Variants in ZEB1 observed in about 807,000 individuals in gnomAD.
The protein encoded by ZEB1 is zinc finger E-box binding homeobox 1, also known as zinc finger E-box-binding homeobox 1.
A neutral mutation model predicts 84.9 loss-of-function variants in ZEB1; 21 were observed. That is an observed-to-expected ratio of 0.25 (90% CI 0.18 to 0.36). The LOEUF (loss-of-function observed/expected upper bound fraction) is 0.36. Among genes scored for constraint, ZEB1 ranks in the 10% least tolerant of loss-of-function variants. The pLI is 1.00. For synonymous variants in ZEB1, 420 were observed against 471.1 expected, an observed-to-expected ratio of 0.89 and a Z score of 1.41; for missense variants, 1,104 against 1,330.2, an observed-to-expected ratio of 0.83 and a Z score of 2.65.
chr10:31,381,007 A>G (rs1041512024), intron 1 of ZEB1, among the ~76,000 whole-genome samples: 3 of 152,188 alleles, frequency 2.0e-5, no homozygotes, highest in Admixed American at 1.3e-4. Flanking sequence ...TTGAGCCTCA[A>G]AGAACATGAT....
chr10:31,412,688 C>A (rs1324175154), intron 1 of ZEB1, among the ~76,000 whole-genome samples: 1 of 152,156 alleles, frequency 6.6e-6, no homozygotes, highest in Non-Finnish European at 1.5e-5. Flanking sequence ...CTCTTTAAGA[C>A]TGCTTATAGA....
chr10:31,442,941 A>G (rs1414064314), intron 1 of ZEB1, among the ~76,000 whole-genome samples: 1 of 152,168 alleles, frequency 6.6e-6, no homozygotes, highest in Non-Finnish European at 1.5e-5. Context: ...TTAGAGACAC[A>G]TGTAGGCAAC....
chr10:31,394,863 T>A (rs1411321752), intron 1 of ZEB1, among the ~76,000 whole-genome samples: 5 of 152,172 alleles, frequency 3.3e-5, no homozygotes, highest in Non-Finnish European at 7.3e-5. Flanking sequence ...CTTGAGCTAG[T>A]GTGGTGACAA....
In ZEB1 at chr10:31,521,556, A is replaced by G; in HGVS notation, c.2224A>G (p.Lys742Glu). The G allele has an allele frequency of 6.2e-7, 1 of 1,614,094 alleles. No individual in the cohort carries two copies. Among genetic ancestry groups the G allele is most frequent in the East Asian group, 2.2e-5 (1 of 44,864 alleles). Residue 742 changes from lysine to glutamate, a missense_variant, in exon 7 of 9, where the codon AAG (lysine) becomes GAG (glutamate). Physicochemically the swap from Lys to Glu is moderately conservative, Grantham distance 56 (BLOSUM62 1). Coordinates refer to ENST00000424869, the MANE Select transcript of ZEB1 (RefSeq NM_001174096.2). ...QVEPLDLSLP[K>E]QQGELLERST... ...AGAACCTCTTGATCTTTCACTACCA[A>G]AGCAACAGGGAGAATTATTAGAAAG...
At chr10:31,359,747 G>A (rs1239151262) in intron 1 of ZEB1, among the ~76,000 whole-genome samples, 2 of 151,994 alleles carry the variant, frequency 1.3e-5, no homozygotes, top group East Asian at 1.9e-4. Context: ...TTTATTCATA[G>A]CATCATTGGA....
intron 1 of ZEB1, among the ~76,000 whole-genome samples, chr10:31,329,654 AT>A (rs751773835): frequency 6.6e-6 from 1 of 152,118 alleles, no homozygotes; most frequent in Non-Finnish European, 1.5e-5. Context: ...TGTAACAAAC[AT>A]TTTTACATTT....
chr10:31,362,497 G>A (rs544506470), intron 1 of ZEB1, among the ~76,000 whole-genome samples: 12 of 127,862 alleles, frequency 9.4e-5, no homozygotes, highest in Middle Eastern at 6.5e-3. Flanking sequence ...GCGGCCTGGC[G>A]GAGGCACTCC....
intron 1 of ZEB1, among the ~76,000 whole-genome samples, chr10:31,445,049 A>G (rs1591348687): frequency 1.3e-5 from 2 of 148,876 alleles, no homozygotes; most frequent in South Asian, 4.2e-4. Context: ...ATCCATGAGC[A>G]TGGAATGTTC....
At chr10:31,323,738 AT>A in intron 1 of ZEB1, among the ~76,000 whole-genome samples, 2 of 152,086 alleles carry the variant, frequency 1.3e-5, no homozygotes, top group Middle Eastern at 3.4e-3. Flanking sequence ...ATGTCTTTTC[AT>A]TTTGTGTTCT....
chr10:31,356,178 A>G (rs942283234), intron 1 of ZEB1, among the ~76,000 whole-genome samples: 1 of 152,174 alleles, frequency 6.6e-6, no homozygotes, highest in African/African-American at 2.4e-5. Context: ...TATTATAAAT[A>G]TAATTTAGAA....
chr10:31,377,698 A>T (rs940238463), intron 1 of ZEB1, among the ~76,000 whole-genome samples: 8 of 151,772 alleles, frequency 5.3e-5, no homozygotes, highest in Non-Finnish European at 1.0e-4. Flanking sequence ...TGTCAAGTGT[A>T]ATGTTTTTTA....
At chr10:31,451,980 A>G (rs947502649) in intron 1 of ZEB1, among the ~76,000 whole-genome samples, 3 of 152,216 alleles carry the variant, frequency 2.0e-5, no homozygotes, top group South Asian at 2.1e-4. Flanking sequence ...TTTGCCTATC[A>G]GTTTTCATTC....
At chr10:31,487,847 T>C (rs1269609441) in intron 2 of ZEB1, among the ~76,000 whole-genome samples, 3 of 151,396 alleles carry the variant, frequency 2.0e-5, no homozygotes, top group Admixed American at 1.3e-4. Flanking sequence ...TTGCTTTTTT[T>C]CAAATGCTTT....
chr10:31,436,588 A>G (rs2058321379), intron 1 of ZEB1, among the ~76,000 whole-genome samples: 1 of 152,154 alleles, frequency 6.6e-6, no homozygotes, highest in Non-Finnish European at 1.5e-5. Flanking sequence ...TGTCTATAAA[A>G]TAAGGATAAT....
At position 31,367,953 on chromosome 10, in the gene ZEB1, CTATA is replaced by C. The variant is rs753213339; in HGVS notation, c.58+48674_58+48677del. Reference sequence around the variant, plus strand: ...TTTAGGAAGAGTGCTTTATTATATACTATATATATATATATACACACACACATAG... The same window carrying C: ...TTTAGGAAGAGTGCTTTATTATATACTATATATATATACACACACACATAG... On this transcript the variant is annotated intron_variant, in intron 1 of 8. Transcript: ENST00000424869. 8.7e-5 allele frequency among the ~76,000 whole-genome samples: 13 copies of C among 148,588 alleles called. No homozygotes were observed. The South Asian group carries it at 1.3e-3, about 15-fold the overall frequency.
intron 1 of ZEB1, among the ~76,000 whole-genome samples, chr10:31,441,957 G>T (rs987441671): frequency 6.6e-6 from 1 of 152,182 alleles, no homozygotes; most frequent in African/African-American, 2.4e-5. Flanking sequence ...TACACTGTTG[G>T]TGGGACTGTA....
intron 1 of ZEB1, among the ~76,000 whole-genome samples, chr10:31,396,186 C>A (rs1205501810): frequency 1.3e-5 from 2 of 152,042 alleles, no homozygotes; most frequent in Non-Finnish European, 2.9e-5. Context: ...TTTTCAGAAA[C>A]CATTGAAGTT....
chr10:31,337,986 G>A (rs1051743868), intron 1 of ZEB1, among the ~76,000 whole-genome samples: 2 of 151,854 alleles, frequency 1.3e-5, no homozygotes, highest in African/African-American at 4.8e-5. Flanking sequence ...CCCGGCCTAA[G>A]CATAATAATT....
At position 31,521,344 on chromosome 10, in the gene ZEB1, C is replaced by G. The variant is rs766667407; in HGVS notation, c.2012C>G (p.Pro671Arg). 1 of 1,613,908 alleles carries G rather than the reference C, an allele frequency of 6.2e-7. No homozygotes were observed. Among genetic ancestry groups the G allele is most frequent in the African/African-American group, 1.3e-5 (1 of 74,906 alleles). ...CCTCAATCTGCAAATGCAAATGAAC[C>G]CCAGGACAGCACAGTAAATCTACAA... ...DQPQSANANE[P>R]QDSTVNLQSP... The change falls in exon 7 of 9, where the codon CCC becomes CGC. Residue 671 changes from proline to arginine, a missense_variant. Pro to Arg is a moderately radical substitution (Grantham distance 103). Around this residue, in one of 7 missense-constraint regions of ZEB1, gnomAD observed 531 missense variants for 575.2 expected, o/e 0.92. Transcript: ENST00000424869.
Sources: allele counts gnomAD v4.1 joint callset (sites outside exome capture counted in the v4.1 genomes callset), GRCh38; gene constraint gnomAD v4.1.1; regional missense constraint gnomAD v4.1.1; transcripts MANE v1.5; gene names NCBI Gene and HGNC (gene_info 2026-07-23, HGNC 2026-07-21).